The following FGGY variants were observed in gnomAD, a reference collection of about 807,000 sequenced individuals.
FGGY encodes FGGY carbohydrate kinase domain-containing protein.
FGGY carries 72 observed loss-of-function variants against 71.3 expected under a neutral mutation model. That is an observed-to-expected ratio of 1.01 (90% CI 0.84 to 1.23). The LOEUF is 1.23. FGGY is among the 50% of genes most tolerant of loss of function. The probability of loss-of-function intolerance (pLI) is 0.00; values close to 1 mark genes in which losing one functional copy is unlikely to be tolerated. For synonymous variants in FGGY, 251 were observed against 250.3 expected, an observed-to-expected ratio of 1.00 and a Z score of -0.02; for missense variants, 668 against 682.3, an observed-to-expected ratio of 0.98 and a Z score of 0.23.
At chr1:59,721,463 C>A (rs1238838294) in intron 14 of FGGY, among the ~76,000 whole-genome samples, 26 of 151,398 alleles carry the variant, frequency 1.7e-4, no homozygotes, top group Non-Finnish European at 4.4e-5. Context: ...CTCCGCCTCC[C>A]AAGCAACTGG....
intron 1 of FGGY, among the ~76,000 whole-genome samples, chr1:59,320,898 A>G (rs1252058164): frequency 1.3e-5 from 2 of 152,234 alleles, no homozygotes; most frequent in Non-Finnish European, 2.9e-5. Flanking sequence ...TGTAGTGTGT[A>G]TCATTATAAT....
chr1:59,720,618 G>A (rs1485328358), intron 14 of FGGY, among the ~76,000 whole-genome samples: 2 of 152,226 alleles, frequency 1.3e-5, no homozygotes, highest in African/African-American at 4.8e-5. Context: ...TCGGAAAGGA[G>A]ATGACATGCC....
intron 11 of FGGY, among the ~76,000 whole-genome samples, chr1:59,651,638 A>C (rs1211232051): frequency 6.6e-6 from 1 of 150,570 alleles, no homozygotes; most frequent in Non-Finnish European, 1.5e-5. Flanking sequence ...TTTTGAGCCT[A>C]TGTGTATCTC....
intron 5 of FGGY, among the ~76,000 whole-genome samples, chr1:59,411,649 G>A (rs902540391): frequency 2.6e-5 from 4 of 151,926 alleles, no homozygotes; most frequent in Admixed American, 6.6e-5. Flanking sequence ...CTTTATCCTC[G>A]CCACACACTT....
chr1:59,652,886 A>G (rs994825507), intron 11 of FGGY, among the ~76,000 whole-genome samples: 13 of 152,090 alleles, frequency 8.5e-5, no homozygotes, highest in African/African-American at 2.9e-4. Context: ...TTGTGGTTTT[A>G]TCTACTTTTG....
At chr1:59,491,049 T>C (rs71637733) in intron 6 of FGGY, among the ~76,000 whole-genome samples, 2 of 1,618 alleles carry the variant, frequency 1.2e-3, no homozygotes, top group Non-Finnish European at 1.9e-3. Flanking sequence ...CTTCCTTCCT[T>C]CCTTCCTTCC....
chr1:59,675,971 G>T (rs3934551), intron 14 of FGGY, among the ~76,000 whole-genome samples: 110,741 of 151,880 alleles, frequency 0.73, 41,339 homozygotes, highest in East Asian at 0.83. Context: ...CCAGAGAGCT[G>T]GCTTGTTCTC....
Position 59,554,238 on chromosome 1 carries a change from T to A in FGGY, c.903+11T>A. ...TCTTGTCACATGGGGGTGAGTCCAC[T>A]GAGCACAAAGGCAAGGCCACCACAC... is the stretch of plus-strand genomic sequence containing the variant. On this transcript the variant is annotated intron_variant, in intron 8 of 15. Transcript: ENST00000303721. 6.2e-7 allele frequency: 1 copy of A among 1,608,836 alleles called. No homozygotes were observed. Among genetic ancestry groups the A allele is most frequent in the Non-Finnish European group, 8.5e-7 (1 of 1,176,068 alleles).
At chr1:59,612,908 A>G (rs928620641) in intron 9 of FGGY, among the ~76,000 whole-genome samples, 1 of 152,230 alleles carries the variant, frequency 6.6e-6, no homozygotes, top group African/African-American at 2.4e-5. Context: ...GAAGGCCATT[A>G]CATAATGGTA....
chr1:59,561,819 C>G (rs2095797185), intron 8 of FGGY, among the ~76,000 whole-genome samples: 1 of 152,168 alleles, frequency 6.6e-6, no homozygotes, highest in South Asian at 2.1e-4. Flanking sequence ...TCCTCCCTTT[C>G]AGCTGTATAG....
intron 4 of FGGY, among the ~76,000 whole-genome samples, chr1:59,373,656 AT>A (rs1218033512): frequency 6.6e-6 from 1 of 152,202 alleles, no homozygotes; most frequent in Non-Finnish European, 1.5e-5. Context: ...ACTTCAAACT[AT>A]ACTACAAGTC....
intron 6 of FGGY, among the ~76,000 whole-genome samples, chr1:59,479,292 G>A (rs369965621): frequency 1.3e-5 from 2 of 152,088 alleles, no homozygotes; most frequent in African/African-American, 4.8e-5. Context: ...GAGAGAGATG[G>A]GGTGGTCACT....
intron 5 of FGGY, among the ~76,000 whole-genome samples, chr1:59,425,561 G>T (rs559776922): frequency 5.3e-5 from 8 of 152,274 alleles, no homozygotes; most frequent in Non-Finnish European, 8.8e-5. Context: ...GTGACAAACC[G>T]CATTGCCTGG....
intron 6 of FGGY, among the ~76,000 whole-genome samples, chr1:59,504,361 C>T (rs1272275723): frequency 7.2e-6 from 1 of 139,118 alleles, no homozygotes; most frequent in Non-Finnish European, 1.5e-5. Context: ...AACTTGAAGC[C>T]AGTAGTTCAG....
intron 6 of FGGY, among the ~76,000 whole-genome samples, chr1:59,497,552 C>T (rs1253632756): frequency 6.6e-6 from 1 of 152,236 alleles, no homozygotes; most frequent in Non-Finnish European, 1.5e-5. Context: ...CATGCCACTA[C>T]ACTCCAGCCT....
chr1:59,426,787 A>G (rs1234332146), intron 5 of FGGY, among the ~76,000 whole-genome samples: 1 of 151,994 alleles, frequency 6.6e-6, no homozygotes, highest in Non-Finnish European at 1.5e-5. Flanking sequence ...AGTTGGTTGC[A>G]GTAAATATTT....
intron 13 of FGGY, among the ~76,000 whole-genome samples, chr1:59,671,226 T>C (rs1397946485): frequency 6.6e-6 from 1 of 152,158 alleles, no homozygotes; most frequent in East Asian, 1.9e-4. Flanking sequence ...AATGTGTCGG[T>C]GTCAGTCAGG....
Position 59,583,047 on chromosome 1 carries a change from T to G in FGGY, c.904-24756T>G, listed in dbSNP as rs376787138. Among the ~76,000 whole-genome samples, 9 of 117,924 alleles carry G rather than the reference T, an allele frequency of 7.6e-5. 3 individuals carry two copies. The highest frequency in any genetic ancestry group is 3.0e-4 in the African/African-American group (9 of 29,702). 77.4% of individuals were successfully genotyped at this position (117,924 alleles called of 152,430 possible). ...CCTTGAGCTTCACCAGGAACATCAG[T>G]AGGAAGATCTGGCACAGGCTATGTG... On this transcript the variant is annotated intron_variant, in intron 8 of 15. Coordinates refer to ENST00000303721, the MANE Select transcript of FGGY (RefSeq NM_018291.5).
rs532432607 is a variant in FGGY, at chr1:59,379,075, C to G, written c.554+238C>G. Among the ~76,000 whole-genome samples the G allele has an allele frequency of 7.9e-5, 12 of 151,708 alleles. No individual in the cohort carries two copies. The South Asian group carries it at 2.5e-3, about 32-fold the overall frequency. On this transcript the variant is annotated intron_variant, in intron 5 of 15. Coordinates refer to ENST00000303721, the MANE Select transcript of FGGY (RefSeq NM_018291.5). ...GTGAAGACCATTCATTAAAATTGGT[C>G]ATATTTGAAGGAGATATGAAAAATC...
Sources: gnomAD v4.1 joint callset for allele counts (sites outside exome capture counted in the v4.1 genomes callset) on GRCh38, gnomAD v4.1.1 for gene constraint, MANE v1.5 for transcripts, NCBI Gene and HGNC (gene_info 2026-07-23, HGNC 2026-07-21) for gene names.